Variants in APMAP observed in about 807,000 individuals in gnomAD.
The protein encoded by APMAP is adipocyte plasma membrane-associated protein.
Under a neutral mutation model 43.6 loss-of-function variants are expected in APMAP, and 33 were observed. The observed-to-expected ratio is 0.76, with a 90% CI of 0.57 to 1.01. The LOEUF (loss-of-function observed/expected upper bound fraction) is 1.01. Ranked by LOEUF, APMAP falls within the 50% of genes least tolerant of loss-of-function variation. APMAP has a pLI of 0.00. For missense variants in APMAP, 498 were observed against 540.7 expected (o/e 0.92, Z 0.78); for synonymous variants, 224 against 216.7 (o/e 1.03, Z -0.30).
intron 8 of APMAP, among the ~76,000 whole-genome samples, chr20:24,968,365 G>GAACTC (rs1279846456): frequency 7.2e-5 from 11 of 152,220 alleles, no homozygotes; most frequent in Non-Finnish European, 1.3e-4. Context: ...CCATAGAGAA[G>GAACTC]AGTGCCTGGC....
intron 1 of APMAP, among the ~76,000 whole-genome samples, chr20:24,991,418 G>A (rs747229978): frequency 6.6e-6 from 1 of 152,344 alleles, no homozygotes; most frequent in Admixed American, 6.5e-5. Context: ...GGCAACGCAG[G>A]ATGGTTGGTC....
chr20:24,967,281 C>T (rs144451863), intron 8 of APMAP, among the ~76,000 whole-genome samples: 114 of 152,260 alleles, frequency 7.5e-4, no homozygotes, highest in African/African-American at 2.6e-3. Flanking sequence ...GGTGACAGGG[C>T]GAGGCTCCGT....
intron 4 of APMAP, among the ~76,000 whole-genome samples, chr20:24,971,781 GGGTGCTTACTGTA>G (rs1489846232): frequency 6.6e-6 from 1 of 150,508 alleles, no homozygotes; most frequent in African/African-American, 2.4e-5. Context: ...GCTCACTGCA[GGGTGCTTACTGTA>G]GGTGCTTACT....
At chr20:24,979,111 T>C (rs1014422147) in intron 2 of APMAP, among the ~76,000 whole-genome samples, 1 of 152,190 alleles carries the variant, frequency 6.6e-6, no homozygotes, top group Non-Finnish European at 1.5e-5. Context: ...TCAGCAATCT[T>C]GTCACCTGAG....
At position 24,964,055 on chromosome 20, in the gene APMAP, C is replaced by G. The variant is rs947342825; in HGVS notation, c.1042-33G>C. The G allele has an allele frequency of 2.5e-6, 4 of 1,607,354 alleles. No individual in the cohort carries two copies. The African/African-American group carries it at 5.3e-5, about 21-fold the overall frequency. On this transcript the variant is annotated intron_variant, in intron 8 of 8. Coordinates refer to ENST00000217456, the MANE Select transcript of APMAP (RefSeq NM_020531.3). Reference sequence around the variant, plus strand: ...GAAGCACAGTGCAGGGAAAGTTCACCAGCTGGCCAAGAACACTGTGCGCAG... The same window carrying G: ...GAAGCACAGTGCAGGGAAAGTTCACGAGCTGGCCAAGAACACTGTGCGCAG...
Position 24,970,301 on chromosome 20 carries a change from A to G in APMAP, c.609T>C (p.Leu203=), listed in dbSNP as rs1260595759. The G allele has an allele frequency of 2.0e-5, 32 of 1,613,956 alleles. No homozygotes were observed. Among genetic ancestry groups the G allele is most frequent in the Non-Finnish European group, 2.5e-5 (30 of 1,180,012 alleles). Residue 203 remains leucine, a synonymous_variant, in exon 6 of 9, where the codon CTT becomes CTC. Transcript: ENST00000217456. ...TCTTCCTCCCATCCTGAGTGACTGT[A>G]AGATCATTCACAAAGGACATGTTCT... is the stretch of plus-strand genomic sequence containing the variant. ...EGKNMSFVND[L]TVTQDGRKIY...
At chr20:24,964,507 A>G (rs915695029) in intron 8 of APMAP, 10 of 467,008 alleles carry the variant, frequency 2.1e-5, no homozygotes, top group Non-Finnish European at 4.0e-5. Context: ...GCAGGTCCAC[A>G]GACCACACAA....
chr20:24,966,075 A>T (rs774103684), intron 8 of APMAP, among the ~76,000 whole-genome samples: 1 of 152,176 alleles, frequency 6.6e-6, no homozygotes, highest in African/African-American at 2.4e-5. Flanking sequence ...CAGCGAGTAC[A>T]CTCAGCACCC....
chr20:24,971,385 A>G, intron 5 of APMAP, 75 bp downstream of exon 5: 1 of 1,283,262 alleles, frequency 7.8e-7, no homozygotes, highest in Non-Finnish European at 1.1e-6. Flanking sequence ...AACAAATCCT[A>G]TTAAGTCTAC....
intron 3 of APMAP, among the ~76,000 whole-genome samples, chr20:24,975,271 T>G (rs922935568): frequency 1.3e-5 from 2 of 152,152 alleles, no homozygotes; most frequent in African/African-American, 4.8e-5. Flanking sequence ...ATTGTCTAGA[T>G]AGAAAATCTG....
At chr20:24,965,075 T>C (rs2087931566) in intron 8 of APMAP, among the ~76,000 whole-genome samples, 1 of 152,198 alleles carries the variant, frequency 6.6e-6, no homozygotes, top group African/African-American at 2.4e-5. Context: ...CAAATCGCCA[T>C]CTCCAACACC....
At chr20:24,984,796 G>A (rs2088133861) in intron 1 of APMAP, among the ~76,000 whole-genome samples, 1 of 152,160 alleles carries the variant, frequency 6.6e-6, no homozygotes, top group African/African-American at 2.4e-5. Flanking sequence ...TCTCTCATCT[G>A]GCAAACAAGT....
At position 24,968,996 on chromosome 20, in the gene APMAP, A is replaced by G. The variant is rs780959403; in HGVS notation, c.937T>C (p.Ser313Pro). ...GACATGCCCACCCAGTACCCCCCAG[A>G]GCTGCTGGGCCGGATGTTGTCTGGA... ...GFPDNIRPSSSGGYWVGMSTI... is the reference protein window; with the variant it reads ...GFPDNIRPSSPGGYWVGMSTI... The change falls in exon 8 of 9, where the codon TCT (serine) becomes CCT (proline). Residue 313 changes from serine to proline, a missense_variant. Coordinates refer to ENST00000217456, the MANE Select transcript of APMAP (RefSeq NM_020531.3). 2 of 1,613,956 alleles carry G rather than the reference A, an allele frequency of 1.2e-6. No individual in the cohort carries two copies. The highest frequency in any genetic ancestry group is 1.7e-5 in the Admixed American group (1 of 60,008).
intron 3 of APMAP, among the ~76,000 whole-genome samples, chr20:24,975,917 A>T (rs890200293): frequency 6.6e-6 from 1 of 152,250 alleles, no homozygotes; most frequent in Non-Finnish European, 1.5e-5. Context: ...AGTAAAGGCA[A>T]TGCATAATGG....
chr20:24,963,923 C>T lies in APMAP; in HGVS notation c.1141G>A (p.Asp381Asn), dbSNP rs202155184. 290 of 1,614,210 alleles carry T rather than the reference C, an allele frequency of 1.8e-4. No individual in the cohort carries two copies. Among genetic ancestry groups the T allele is most frequent in the Non-Finnish European group, 2.3e-4 (271 of 1,180,036 alleles). ...CTGATGTAGGTGGCCACCAGCCCAT[C>T]GGGATCATGCAGGCTTCTCCGGAAG... ...GAFRRSLHDP[D>N]GLVATYISEV... is the part of the protein sequence containing the mutation. The change falls in exon 9 of 9, where the codon GAT (aspartate) becomes AAT (asparagine). Residue 381 changes from aspartate (D) to asparagine (N), a missense_variant. Coordinates refer to ENST00000217456, the MANE Select transcript of APMAP (RefSeq NM_020531.3).
rs2087978222 is a variant in APMAP, at chr20:24,969,432, T to C, written c.848+94A>G. On this transcript the variant is annotated intron_variant, in intron 7 of 8. Transcript: ENST00000217456. Reference sequence around the variant, plus strand: ...GCCATGCAGAAGGTGCGCTGCTGCCTCTGATTTCTGTCGATCCCATTTCCA... The same window carrying C: ...GCCATGCAGAAGGTGCGCTGCTGCCCCTGATTTCTGTCGATCCCATTTCCA... 1.1e-5 allele frequency: 16 copies of C among 1,501,628 alleles called. No individual in the cohort carries two copies. In the East Asian group the frequency reaches 3.7e-4, roughly 35 times the overall value. 93.0% of individuals were successfully genotyped at this position (1,501,628 alleles called of 1,614,324 possible). A position where few individuals can be genotyped will look rare whatever the true frequency, so the allele number is the denominator to read the frequency against.
chr20:24,991,133 C>G (rs1475189792), intron 1 of APMAP, among the ~76,000 whole-genome samples: 2 of 152,216 alleles, frequency 1.3e-5, no homozygotes, highest in Non-Finnish European at 2.9e-5. Context: ...GACTACCTAA[C>G]CGGTGCCCTC....
intron 6 of APMAP, 105 bp from the exon 7 acceptor site, chr20:24,969,765 C>A (rs2087982874): frequency 7.0e-7 from 1 of 1,432,148 alleles, no homozygotes; most frequent in African/African-American, 1.4e-5. Context: ...CACCCCGGAG[C>A]AACAGGCCCT....
intron 3 of APMAP, among the ~76,000 whole-genome samples, chr20:24,977,834 G>A (rs935876281): frequency 4.6e-5 from 7 of 152,196 alleles, no homozygotes; most frequent in African/African-American, 1.7e-4. Context: ...GTCTTTTTAA[G>A]AGAAATACAA....
Sources: gnomAD v4.1 joint callset for allele counts (sites outside exome capture counted in the v4.1 genomes callset) on GRCh38, gnomAD v4.1.1 for gene constraint, MANE v1.5 for transcripts, NCBI Gene and HGNC (gene_info 2026-07-23, HGNC 2026-07-21) for gene names.